FRYL: variants seen among roughly 807,000 people sequenced by gnomAD.
The protein encoded by FRYL is protein furry homolog-like.
In FRYL, 150 loss-of-function variants were observed where a neutral mutation model predicts 351.2. That is an observed-to-expected ratio of 0.43 (90% CI 0.37 to 0.49). FRYL has a LOEUF of 0.49. Among genes scored for constraint, FRYL ranks in the 20% least tolerant of loss-of-function variants. The probability of loss-of-function intolerance (pLI) is 0.00; values close to 1 mark genes in which losing one functional copy is unlikely to be tolerated. For missense variants in FRYL, 3,036 were observed against 3,619.3 expected (o/e 0.84, Z 4.13); for synonymous variants, 1,153 against 1,257.1 (o/e 0.92, Z 1.75).
rs1731281714 is a variant in FRYL, at chr4:48,546,103, C to T, written c.5243G>A (p.Gly1748Glu). 6.2e-7 allele frequency: 1 copy of T among 1,613,388 alleles called. No homozygotes were observed. Among genetic ancestry groups the T allele is most frequent in the African/African-American group, 1.3e-5 (1 of 74,896 alleles). Residue 1748 changes from glycine to glutamate, a missense_variant, in exon 42 of 64, where the codon GGA becomes GAA. Gly to Glu is a moderately conservative substitution (Grantham distance 98, BLOSUM62 -2). This residue lies in a region of FRYL where 1,987 missense variants were observed against 2,311.7 expected (regional missense o/e 0.86). Coordinates refer to ENST00000358350, the MANE Select transcript of FRYL (RefSeq NM_015030.2). ...GAATTCCATGAGGGTTTTGACTTTT[C>T]CATCCTGCTCCACTGAGATGTCAAC... ...NEVDISVEQD[G>E]KVKTLMEFIT...
intron 1 of FRYL, among the ~76,000 whole-genome samples, chr4:48,742,206 G>T (rs757365836): frequency 2.0e-5 from 3 of 152,178 alleles, no homozygotes; most frequent in Non-Finnish European, 4.4e-5. Context: ...CAATGAGAAA[G>T]AATTTTTTTT....
chr4:48,763,400 T>C (rs1344393512), intron 1 of FRYL, among the ~76,000 whole-genome samples: 1 of 151,884 alleles, frequency 6.6e-6, no homozygotes, highest in Non-Finnish European at 1.5e-5. Context: ...AGTTCCAGGC[T>C]GCAGTGAGCT....
chr4:48,676,345 G>A (rs971580083), intron 3 of FRYL, among the ~76,000 whole-genome samples: 3 of 152,140 alleles, frequency 2.0e-5, no homozygotes, highest in African/African-American at 7.2e-5. Context: ...GAACCCACCA[G>A]AAAGAAGAAA....
chr4:48,537,627 T>C (rs1426939906), intron 47 of FRYL, among the ~76,000 whole-genome samples: 2 of 152,204 alleles, frequency 1.3e-5, no homozygotes, highest in African/African-American at 4.8e-5. Context: ...AGAGGGAACC[T>C]TTGTGTGCTG....
At position 48,609,071 on chromosome 4, in the gene FRYL, A is replaced by C. The variant is rs750805217; in HGVS notation, c.492-4T>G. ...CCCAGTGTTGGTTCCTGAATATCTA[A>C]AATAACAAAAGAACAAACATAACAT... On this transcript the variant is annotated splice_region_variant and splice_polypyrimidine_tract_variant and intron_variant, in intron 8 of 63. Coordinates refer to ENST00000358350, the MANE Select transcript of FRYL (RefSeq NM_015030.2). The C allele has an allele frequency of 1.9e-6, 3 of 1,554,310 alleles. No individual in the cohort carries two copies. In the African/African-American group the frequency reaches 4.1e-5, roughly 21 times the overall value.
At chr4:48,526,198 T>G (rs1315912887) in intron 53 of FRYL, among the ~76,000 whole-genome samples, 1 of 152,180 alleles carries the variant, frequency 6.6e-6, no homozygotes, top group Non-Finnish European at 1.5e-5. Context: ...TTTTGATTCT[T>G]TAGAAAAAGA....
intron 34 of FRYL, 128 bp from the exon 35 acceptor site, chr4:48,557,246 A>G (rs1363602256): frequency 8.0e-7 from 1 of 1,254,014 alleles, no homozygotes; most frequent in South Asian, 1.7e-5. Context: ...ACTTTACAGA[A>G]ACAATAATTT....
At position 48,557,111 on chromosome 4, in the gene FRYL, T is replaced by C. The variant is rs1734279332; in HGVS notation, c.4133A>G (p.Asp1378Gly). ...CTCCACCTCCGACCAGGCCAGTTCA[T>C]CGCCATACTAGATGCAATATGCACA... ...NLMYMTAKYG[D>G]ELAWSEVENV... Residue 1378 changes from aspartate to glycine, a missense_variant, in exon 35 of 64, where the codon GAT becomes GGT. By Grantham distance (94) the Asp-to-Gly change is moderately conservative. This residue lies in a region of FRYL where 1,987 missense variants were observed against 2,311.7 expected (regional missense o/e 0.86). Transcript: ENST00000358350. 6.3e-7 allele frequency: 1 copy of C among 1,582,588 alleles called. No homozygotes were observed. Among genetic ancestry groups the C allele is most frequent in the African/African-American group, 1.4e-5 (1 of 72,026 alleles).
At chr4:48,776,446 C>G (rs1776040055) in intron 1 of FRYL, among the ~76,000 whole-genome samples, 2 of 152,172 alleles carry the variant, frequency 1.3e-5, no homozygotes, top group Admixed American at 6.5e-5. Flanking sequence ...AAGTGATTTT[C>G]TAGAATACTG....
chr4:48,651,213 C>CGTGTGT lies in FRYL; in HGVS notation c.-80-16729_-80-16724dup, dbSNP rs10604700. Among the ~76,000 whole-genome samples, 166 of 104,960 alleles carry CGTGTGT rather than the reference C, an allele frequency of 1.6e-3. 8 individuals are homozygous for CGTGTGT. Among genetic ancestry groups the CGTGTGT allele is most frequent in the African/African-American group, 5.5e-3 (147 of 26,534 alleles). The allele number at this position is 104,960 out of a possible 152,430, so 68.9% of individuals were successfully genotyped here. A position where few individuals can be genotyped will look rare whatever the true frequency, so the allele number is the denominator to read the frequency against. ...CCTGAGTAGCTGGGACCACATGCAC[C>CGTGTGT]GTGTGTGTGTGTGTGTGTGTGTGTG... On this transcript the variant is annotated intron_variant, in intron 3 of 63. Transcript: ENST00000358350.
chr4:48,564,116 G>T lies in FRYL; in HGVS notation c.3442-14C>A, dbSNP rs1351161437. 1 of 1,612,084 alleles carries T rather than the reference G, an allele frequency of 6.2e-7. No homozygotes were observed. Among genetic ancestry groups the T allele is most frequent in the Non-Finnish European group, 8.5e-7 (1 of 1,179,402 alleles). On this transcript the variant is annotated splice_polypyrimidine_tract_variant and intron_variant, in intron 30 of 63. Transcript: ENST00000358350. ...CAGCTGGTGAACCTAGGTAAAGGTT[G>T]TGAAATTGCCCGAGAGAGAACGTTA...
intron 30 of FRYL, among the ~76,000 whole-genome samples, chr4:48,564,585 T>TA (rs1302943982): frequency 6.6e-6 from 1 of 152,088 alleles, no homozygotes; most frequent in African/African-American, 2.4e-5. Context: ...GGAAAGTGGT[T>TA]AAAAAAACGA....
intron 55 of FRYL, among the ~76,000 whole-genome samples, chr4:48,517,936 G>A (rs917814764): frequency 3.3e-5 from 5 of 151,996 alleles, no homozygotes; most frequent in Non-Finnish European, 7.4e-5. Flanking sequence ...CAATATCTTG[G>A]TGCTTTTCTA....
chr4:48,775,375 A>G (rs569138599), intron 1 of FRYL, among the ~76,000 whole-genome samples: 1 of 152,312 alleles, frequency 6.6e-6, no homozygotes, highest in Non-Finnish European at 1.5e-5. Context: ...CTTACCCTCA[A>G]TGCCTAGCAT....
chr4:48,703,710 T>A (rs769111819), intron 2 of FRYL, among the ~76,000 whole-genome samples: 6 of 152,206 alleles, frequency 3.9e-5, no homozygotes, highest in Admixed American at 2.6e-4. Flanking sequence ...ACTTTTACAT[T>A]CTCTCTTAGA....
At chr4:48,613,122 A>G (rs1158275866) in intron 7 of FRYL, among the ~76,000 whole-genome samples, 5 of 152,228 alleles carry the variant, frequency 3.3e-5, no homozygotes, top group Non-Finnish European at 7.3e-5. Flanking sequence ...TCTAATCACA[A>G]AATGTTGTTT....
chr4:48,601,772 T>C (rs1330174169), intron 13 of FRYL, among the ~76,000 whole-genome samples: 3 of 152,124 alleles, frequency 2.0e-5, no homozygotes, highest in African/African-American at 7.2e-5. Flanking sequence ...AATATAAATA[T>C]CACTAAAAAT....
chr4:48,555,629 A>T (rs1179621789), intron 35 of FRYL, among the ~76,000 whole-genome samples: 1 of 152,130 alleles, frequency 6.6e-6, no homozygotes, highest in Non-Finnish European at 1.5e-5. Flanking sequence ...CTGGTGAGAG[A>T]GGTGGAAGCA....
In FRYL at chr4:48,710,601, C is replaced by T. The variant is rs1767892360; in HGVS notation, c.-286G>A. 1 of 398,396 alleles carries T rather than the reference C, an allele frequency of 2.5e-6. No homozygotes were observed. The highest frequency in any genetic ancestry group is 3.6e-5 in the East Asian group (1 of 28,086). 24.7% of individuals were successfully genotyped at this position (398,396 alleles called of 1,614,324 possible). On this transcript the variant is annotated 5_prime_UTR_variant, in exon 2 of 64. Coordinates refer to ENST00000358350, the MANE Select transcript of FRYL (RefSeq NM_015030.2). ...GGATCCATCTAGAAGCTTTTTTGAT[C>T]TGGAGCTTGTACTTTACAGGCACTC...
Sources: allele counts gnomAD v4.1 joint callset (sites outside exome capture counted in the v4.1 genomes callset), GRCh38; gene constraint gnomAD v4.1.1; regional missense constraint gnomAD v4.1.1; transcripts MANE v1.5; gene names NCBI Gene and HGNC (gene_info 2026-07-23, HGNC 2026-07-21).